Variants in TINAG observed in about 807,000 individuals in gnomAD.
The protein encoded by TINAG is tubulointerstitial nephritis antigen.
TINAG carries 83 observed loss-of-function variants against 72.7 expected under a neutral mutation model. That is an observed-to-expected ratio of 1.14 (90% CI 0.96 to 1.37). The LOEUF is 1.37. Among genes scored for constraint, TINAG ranks in the 40% most tolerant of loss-of-function variants. The probability of loss-of-function intolerance (pLI) is 0.00; values close to 1 mark genes in which losing one functional copy is unlikely to be tolerated. For missense variants in TINAG, 685 were observed against 576.6 expected (o/e 1.19, Z -1.93); for synonymous variants, 234 against 189.9 (o/e 1.23, Z -1.91).
intron 7 of TINAG, 83 bp downstream of exon 7, chr6:54,349,979 T>A: frequency 1.2e-6 from 1 of 825,942 alleles, no homozygotes; most frequent in Non-Finnish European, 1.7e-6. Context: ...ATTTAAAAAC[T>A]AATTAAAACT....
chr6:54,358,632 C>A (rs773523879), intron 9 of TINAG, among the ~76,000 whole-genome samples: 11 of 151,582 alleles, frequency 7.3e-5, no homozygotes, highest in African/African-American at 2.7e-4. Flanking sequence ...CTGTGCTCAT[C>A]AGATCAACCT....
At chr6:54,344,413 A>G (rs1427546389) in intron 5 of TINAG, among the ~76,000 whole-genome samples, 2 of 152,136 alleles carry the variant, frequency 1.3e-5, no homozygotes, top group African/African-American at 4.8e-5. Flanking sequence ...TTGATGTGTC[A>G]GGGACCCACA....
chr6:54,379,813 G>T (rs1212975611), intron 9 of TINAG, among the ~76,000 whole-genome samples: 1 of 151,462 alleles, frequency 6.6e-6, no homozygotes, highest in Non-Finnish European at 1.5e-5. Flanking sequence ...CAAGTACTGG[G>T]GTACATGTGT....
chr6:54,343,336 A>AT lies in TINAG; in HGVS notation c.739dup (p.Ser247PhefsTer8). 6.5e-7 allele frequency: 1 copy of AT among 1,547,674 alleles called. No individual in the cohort carries two copies. The highest frequency in any genetic ancestry group is 8.7e-7 in the Non-Finnish European group (1 of 1,144,302). ...AAAAAAATTGTGCTGCATCCTGGGC[A>AT]TTTTCCACTGCAAGTAATAAAGTCA... On this transcript the variant is annotated frameshift_variant, in exon 5 of 11. Transcript: ENST00000259782. LOFTEE classifies it high-confidence loss of function.
chr6:54,310,445 C>T (rs1398662607), intron 1 of TINAG, among the ~76,000 whole-genome samples: 1 of 151,030 alleles, frequency 6.6e-6, no homozygotes, highest in South Asian at 2.1e-4. Flanking sequence ...TTCTTTCTCT[C>T]TTTCTGTCTC....
intron 4 of TINAG, among the ~76,000 whole-genome samples, chr6:54,330,118 G>T (rs369178845): frequency 6.6e-6 from 1 of 152,098 alleles, no homozygotes; most frequent in East Asian, 1.9e-4. Flanking sequence ...GGACCGGGCG[G>T]ACTTAATAGA....
intron 9 of TINAG, among the ~76,000 whole-genome samples, chr6:54,375,552 A>T (rs1277652638): frequency 1.3e-5 from 2 of 152,126 alleles, no homozygotes; most frequent in African/African-American, 4.8e-5. Context: ...TTCTTTCCAT[A>T]TAAATTGGCC....
intron 9 of TINAG, among the ~76,000 whole-genome samples, chr6:54,372,727 CATATATATATAT>C (rs67301819): frequency 0.016 from 2,167 of 133,850 alleles, 44 homozygotes; most frequent in African/African-American, 0.041. Flanking sequence ...TAAATACATA[CATATATATATAT>C]ATATATATAT....
In TINAG at chr6:54,351,321, T is replaced by C. The variant is rs750290711; in HGVS notation, c.1081-31T>C. The C allele has an allele frequency of 2.8e-5, 45 of 1,582,026 alleles. 1 individual carries two copies. In the South Asian group the frequency reaches 3.9e-4, roughly 14 times the overall value. ...TGGGTTTAGTATGCTCTGATAACAATGATATTGCTTATTCATATTTTTCCA... is the reference window on the plus strand; with the variant it reads ...TGGGTTTAGTATGCTCTGATAACAACGATATTGCTTATTCATATTTTTCCA... On this transcript the variant is annotated intron_variant, in intron 7 of 10. Coordinates refer to ENST00000259782, the MANE Select transcript of TINAG (RefSeq NM_014464.4).
intron 1 of TINAG, among the ~76,000 whole-genome samples, chr6:54,314,541 CAA>C (rs566630916): frequency 6.7e-6 from 1 of 149,246 alleles, no homozygotes; most frequent in Non-Finnish European, 1.5e-5. Context: ...GGTTCTGTTA[CAA>C]AAAAAAAGAG....
chr6:54,324,229 C>T (rs549640301), intron 3 of TINAG, among the ~76,000 whole-genome samples: 1 of 152,288 alleles, frequency 6.6e-6, no homozygotes, highest in South Asian at 2.1e-4. Flanking sequence ...GGAATAGGTT[C>T]AACTGAGGCT....
intron 5 of TINAG, among the ~76,000 whole-genome samples, chr6:54,346,103 C>A (rs979030899): frequency 6.6e-6 from 1 of 151,980 alleles, no homozygotes; most frequent in Non-Finnish European, 1.5e-5. Flanking sequence ...AAAGTCTGTA[C>A]TAAAATGGTA....
intron 9 of TINAG, among the ~76,000 whole-genome samples, chr6:54,370,424 A>T (rs1763568076): frequency 6.6e-6 from 1 of 151,970 alleles, no homozygotes; most frequent in South Asian, 2.1e-4. Flanking sequence ...AATGCAACCA[A>T]TATAAATTAT....
chr6:54,354,485 C>T, intron 8 of TINAG, 28 bp from the exon 9 acceptor site: 1 of 1,579,946 alleles, frequency 6.3e-7, no homozygotes, highest in African/African-American at 1.4e-5. Flanking sequence ...TAATACTGTG[C>T]CATTTGTTCT....
intron 10 of TINAG, among the ~76,000 whole-genome samples, chr6:54,389,235 A>G (rs1764179881): frequency 6.6e-6 from 1 of 151,946 alleles, no homozygotes; most frequent in South Asian, 2.1e-4. Flanking sequence ...CTCCTTTTAC[A>G]TTGGTGAATT....
chr6:54,329,731 C>T (rs1185155490), intron 4 of TINAG, among the ~76,000 whole-genome samples: 2 of 151,960 alleles, frequency 1.3e-5, no homozygotes, highest in African/African-American at 4.8e-5. Flanking sequence ...GGAGACCCAT[C>T]TCACATGCAA....
intron 3 of TINAG, among the ~76,000 whole-genome samples, chr6:54,323,472 T>A (rs1285295412): frequency 6.6e-6 from 1 of 152,236 alleles, no homozygotes; most frequent in Non-Finnish European, 1.5e-5. Flanking sequence ...TAAAATAGCC[T>A]ACATCAAATA....
intron 5 of TINAG, among the ~76,000 whole-genome samples, chr6:54,345,537 T>A (rs1785100510): frequency 6.6e-6 from 1 of 152,142 alleles, no homozygotes; most frequent in Non-Finnish European, 1.5e-5. Flanking sequence ...ATAAAAGTAT[T>A]TTCTGAATGA....
At chr6:54,375,695 C>A (rs1046941296) in intron 9 of TINAG, among the ~76,000 whole-genome samples, 9 of 152,044 alleles carry the variant, frequency 5.9e-5, no homozygotes, top group Non-Finnish European at 1.2e-4. Flanking sequence ...AAAGTCATTG[C>A]CCTAGATGTT....
Sources: allele counts gnomAD v4.1 joint callset (sites outside exome capture counted in the v4.1 genomes callset), GRCh38; gene constraint gnomAD v4.1.1; transcripts MANE v1.5; gene names NCBI Gene and HGNC (gene_info 2026-07-23, HGNC 2026-07-21).